Variants in TNNI3K observed in about 807,000 individuals in gnomAD.
TNNI3K encodes the protein TNNI3 interacting kinase.
Under a neutral mutation model 114.5 loss-of-function variants are expected in TNNI3K, and 140 were observed. The observed-to-expected ratio is 1.22, with a 90% CI of 1.07 to 1.41. TNNI3K has a LOEUF of 1.41. Ranked by LOEUF, TNNI3K falls within the 40% of genes most tolerant of loss-of-function variation. The pLI is 0.00. For synonymous variants in TNNI3K, 347 were observed against 347.5 expected, an observed-to-expected ratio of 1.00 and a Z score of 0.02; for missense variants, 1,125 against 1,007.6, an observed-to-expected ratio of 1.12 and a Z score of -1.58.
At position 74,342,950 on chromosome 1, in the gene TNNI3K, A is replaced by G. The variant is rs1460468795; in HGVS notation, c.791A>G (p.His264Arg). 1.2e-6 allele frequency: 2 copies of G among 1,613,878 alleles called. No individual in the cohort carries two copies. Among genetic ancestry groups the G allele is most frequent in the Non-Finnish European group, 1.7e-6 (2 of 1,179,888 alleles). Reference sequence around the variant, plus strand: ...CAAAGTGATTTGGAAGTTCAACCTCATGTTGTTAATATCTATGGAGATACC... The same window carrying G: ...CAAAGTGATTTGGAAGTTCAACCTCGTGTTGTTAATATCTATGGAGATACC... ...LLQSDLEVQPHVVNIYGDTPL... is the reference protein window; with the variant it reads ...LLQSDLEVQPRVVNIYGDTPL... Residue 264 changes from histidine to arginine, a missense_variant, in exon 8 of 25, where the codon CAT (histidine) becomes CGT (arginine). Transcript: ENST00000326637.
At chr1:74,454,478 T>C (rs1381383273) in intron 20 of TNNI3K, among the ~76,000 whole-genome samples, 1 of 152,222 alleles carries the variant, frequency 6.6e-6, no homozygotes, top group Non-Finnish European at 1.5e-5. Context: ...ATATTTGTTT[T>C]TCTGTGCCTG....
rs929593558 is a variant in TNNI3K, at chr1:74,530,784, A to G, written c.2352-9450A>G. 4.0e-5 allele frequency among the ~76,000 whole-genome samples: 6 copies of G among 150,334 alleles called. No individual in the cohort carries two copies. In the South Asian group the frequency reaches 8.4e-4, roughly 21 times the overall value. ...GGTGAGGGATATGAAAGATTTTGCT[A>G]TAGAGTATGTTCCTCAGTTTTAGCA... On this transcript the variant is annotated intron_variant, in intron 23 of 24. Coordinates refer to ENST00000326637, the MANE Select transcript of TNNI3K (RefSeq NM_015978.3).
intron 3 of TNNI3K, among the ~76,000 whole-genome samples, chr1:74,249,746 T>G (rs1257103096): frequency 1.3e-5 from 2 of 152,182 alleles, no homozygotes; most frequent in African/African-American, 4.8e-5. Context: ...AATATAAGCT[T>G]CATTGTGTTG....
chr1:74,492,400 A>AT, intron 23 of TNNI3K, 134 bp downstream of exon 23: 1 of 1,197,428 alleles, frequency 8.4e-7, no homozygotes, highest in Non-Finnish European at 1.1e-6. Flanking sequence ...TTTTCAGCCC[A>AT]TTTTTCTTAC....
intron 24 of TNNI3K, among the ~76,000 whole-genome samples, chr1:74,542,014 G>C: frequency 6.6e-6 from 1 of 152,170 alleles, no homozygotes; most frequent in East Asian, 1.9e-4. Flanking sequence ...TTACCTTAAA[G>C]TAACAAAACA....
intron 17 of TNNI3K, among the ~76,000 whole-genome samples, chr1:74,395,591 T>C (rs1314447874): frequency 6.6e-6 from 1 of 151,936 alleles, no homozygotes; most frequent in East Asian, 1.9e-4. Flanking sequence ...TTTTCAGAGG[T>C]TGAGTGTGTG....
intron 19 of TNNI3K, among the ~76,000 whole-genome samples, chr1:74,437,156 T>A (rs184235618): frequency 4.2e-4 from 64 of 152,206 alleles, no homozygotes; most frequent in African/African-American, 1.5e-3. Flanking sequence ...CCTTTCCTGC[T>A]TCTACTTACA....
chr1:74,355,430 C>T (rs932531621), intron 11 of TNNI3K, among the ~76,000 whole-genome samples: 1 of 151,902 alleles, frequency 6.6e-6, no homozygotes. Flanking sequence ...ATGGTGAAAC[C>T]CTGTCTCTAC....
intron 17 of TNNI3K, chr1:74,402,068 T>G (rs1664391330): frequency 1.0e-5 from 2 of 198,020 alleles, no homozygotes; most frequent in Non-Finnish European, 2.1e-5. Flanking sequence ...TTTTTTAGTT[T>G]ATTTCTTCAT....
At chr1:74,468,547 G>C (rs1411429091) in intron 21 of TNNI3K, 1 of 152,072 alleles carries the variant, frequency 6.6e-6, no homozygotes, top group Non-Finnish European at 1.5e-5. Context: ...ATGAAGAAGA[G>C]AGGTAAGAAG....
chr1:74,281,243 G>T (rs1048209067), intron 5 of TNNI3K, among the ~76,000 whole-genome samples: 1 of 151,978 alleles, frequency 6.6e-6, no homozygotes, highest in Non-Finnish European at 1.5e-5. Context: ...GTGACCCAGC[G>T]CAGTCTCAGC....
chr1:74,325,936 T>G (rs981811001), intron 5 of TNNI3K, among the ~76,000 whole-genome samples: 1 of 152,158 alleles, frequency 6.6e-6, no homozygotes, highest in Non-Finnish European at 1.5e-5. Context: ...TAATGCAGAT[T>G]TTTCCACTAA....
At chr1:74,370,244 G>A (rs200685206) in intron 16 of TNNI3K, 44 bp from the exon 17 acceptor site, 26 of 1,500,490 alleles carry the variant, frequency 1.7e-5, no homozygotes, top group South Asian at 9.1e-5. Flanking sequence ...TTTGATATTC[G>A]TTTTGACCAT....
chr1:74,526,819 A>AAAG (rs140942782), intron 23 of TNNI3K, among the ~76,000 whole-genome samples: 1,939 of 152,282 alleles, frequency 0.013, 36 homozygotes, highest in African/African-American at 0.043. Flanking sequence ...CTGACACTCT[A>AAAG]AAGAAGAGAT....
intron 17 of TNNI3K, among the ~76,000 whole-genome samples, chr1:74,400,663 T>C (rs1167212757): frequency 1.3e-5 from 2 of 152,226 alleles, no homozygotes; most frequent in Non-Finnish European, 2.9e-5. Context: ...ATAGGAAATA[T>C]GAACCACTCC....
intron 5 of TNNI3K, among the ~76,000 whole-genome samples, chr1:74,277,857 C>G (rs936863530): frequency 3.3e-5 from 5 of 152,170 alleles, no homozygotes; most frequent in African/African-American, 9.7e-5. Context: ...TGAAGTTATT[C>G]TATCCTACCA....
At chr1:74,377,992 T>C (rs958336063) in intron 17 of TNNI3K, among the ~76,000 whole-genome samples, 3 of 152,116 alleles carry the variant, frequency 2.0e-5, no homozygotes, top group Admixed American at 1.3e-4. Context: ...TCCAGCCTTT[T>C]AAAACTAGAA....
chr1:74,393,971 G>T (rs1663938858), intron 17 of TNNI3K, among the ~76,000 whole-genome samples: 1 of 152,138 alleles, frequency 6.6e-6, no homozygotes, highest in Non-Finnish European at 1.5e-5. Context: ...CTGCTGTGCA[G>T]CCCAGTTTCT....
At chr1:74,379,053 A>G (rs1457594669) in intron 17 of TNNI3K, among the ~76,000 whole-genome samples, 2 of 152,066 alleles carry the variant, frequency 1.3e-5, no homozygotes, top group Admixed American at 6.6e-5. Context: ...CTACTTAATA[A>G]AGCATGCTAT....
Sources: gnomAD v4.1 joint callset for allele counts (sites outside exome capture counted in the v4.1 genomes callset) on GRCh38, gnomAD v4.1.1 for gene constraint, MANE v1.5 for transcripts, NCBI Gene and HGNC (gene_info 2026-07-23, HGNC 2026-07-21) for gene names.